The following KCNMA1 variants were observed in gnomAD, a reference collection of about 807,000 sequenced individuals.
KCNMA1 encodes Calcium-activated potassium channel subunit alpha-1.
In KCNMA1, 29 loss-of-function variants were observed where a neutral mutation model predicts 140.0. The ratio of observed to expected loss-of-function variants is 0.21; its 90% confidence interval spans 0.15 to 0.28. The LOEUF is 0.28. Ranked by LOEUF, KCNMA1 falls within the 10% of genes least tolerant of loss-of-function variation. The probability of loss-of-function intolerance (pLI) is 1.00; values close to 1 mark genes in which losing one functional copy is unlikely to be tolerated. For synonymous variants in KCNMA1, 612 were observed against 611.9 expected (o/e 1.00, Z 0.00); for missense variants, 880 against 1,602.2 (o/e 0.55, Z 7.70).
intron 17 of KCNMA1, among the ~76,000 whole-genome samples, chr10:77,015,167 C>G (rs1035314242): frequency 6.6e-6 from 1 of 152,134 alleles, no homozygotes; most frequent in Non-Finnish European, 1.5e-5. Flanking sequence ...GCAAGGCTGG[C>G]CTGTATGGTC....
At position 76,944,777 on chromosome 10, in the gene KCNMA1, G is replaced by A. The variant is rs2152884640; in HGVS notation, c.2898C>T (p.Ser966=). The change falls in exon 23 of 28, where the codon TCC becomes TCT. Residue 966 remains serine (S), a synonymous_variant. Transcript: ENST00000286628. The part of the protein sequence containing the change: ...DDSIGVLQAN[S]QGFTPPGMDR... Reference sequence around the variant, plus strand: ...AGTATTACAGGCTGTCCTTACCTTGGGAATTAGCCTGCAAGACTCCGATGC... The same window carrying A: ...AGTATTACAGGCTGTCCTTACCTTGAGAATTAGCCTGCAAGACTCCGATGC... 7 of 1,613,882 alleles carry A rather than the reference G, an allele frequency of 4.3e-6. No individual in the cohort carries two copies. The South Asian group carries it at 7.7e-5, about 18-fold the overall frequency.
chr10:76,982,563 G>A (rs1246282632), intron 19 of KCNMA1, among the ~76,000 whole-genome samples: 2 of 152,160 alleles, frequency 1.3e-5, no homozygotes, highest in African/African-American at 2.4e-5. Context: ...TGTATAAACT[G>A]TAAGAAAGTC....
intron 1 of KCNMA1, among the ~76,000 whole-genome samples, chr10:77,526,781 T>C (rs144476535): frequency 2.0e-5 from 3 of 152,334 alleles, no homozygotes; most frequent in African/African-American, 7.2e-5. Flanking sequence ...CTCGCTGAGA[T>C]AGATTTCAGC....
intron 1 of KCNMA1, among the ~76,000 whole-genome samples, chr10:77,625,041 T>C (rs1485979889): frequency 6.6e-6 from 1 of 152,126 alleles, no homozygotes; most frequent in Non-Finnish European, 1.5e-5. Flanking sequence ...TGGAGGAATG[T>C]TTTTCCCTTT....
At chr10:77,470,045 GAGA>G (rs1004632947) in intron 1 of KCNMA1, among the ~76,000 whole-genome samples, 3 of 152,110 alleles carry the variant, frequency 2.0e-5, no homozygotes, top group African/African-American at 7.2e-5. Context: ...CAGCAGTGGT[GAGA>G]AGGAGGCCAG....
intron 1 of KCNMA1, among the ~76,000 whole-genome samples, chr10:77,513,906 GC>G (rs2154548989): frequency 6.6e-6 from 1 of 152,334 alleles, no homozygotes; most frequent in Non-Finnish European, 1.5e-5. Context: ...CATTGCATTA[GC>G]CCTCCCCTCC....
At chr10:77,551,438 C>T (rs914800529) in intron 1 of KCNMA1, among the ~76,000 whole-genome samples, 1 of 152,046 alleles carries the variant, frequency 6.6e-6, no homozygotes, top group African/African-American at 2.4e-5. Flanking sequence ...TTTCTAATGG[C>T]TTCATTTTAC....
chr10:77,636,035 G>T, intron 1 of KCNMA1: 1 of 255,224 alleles, frequency 3.9e-6, no homozygotes, highest in Non-Finnish European at 6.9e-6. Flanking sequence ...GAAGTTTGAG[G>T]GGTCCTCGGT....
Position 76,886,827 on chromosome 10 carries a change from A to G in KCNMA1, c.*439T>C, listed in dbSNP as rs2037213619. On this transcript the variant is annotated 3_prime_UTR_variant, in exon 28 of 28. Transcript: ENST00000286628. The stretch of plus-strand genomic sequence containing the variant: ...TGCTAACTTATTGTGTGTATAAAAA[A>G]AGAAAGAAAGGAAAACAACAACAAC... 9.3e-7 allele frequency: 1 copy of G among 1,080,472 alleles called. No homozygotes were observed. Among genetic ancestry groups the G allele is most frequent in the Non-Finnish European group, 1.1e-6 (1 of 887,060 alleles). 66.9% of individuals were successfully genotyped at this position (1,080,472 alleles called of 1,614,324 possible).
intron 1 of KCNMA1, among the ~76,000 whole-genome samples, chr10:77,438,726 G>T (rs145775765): frequency 6.6e-6 from 1 of 152,280 alleles, no homozygotes; most frequent in African/African-American, 2.4e-5. Context: ...GCCAGGATTG[G>T]CTACTACAAA....
chr10:77,166,641 AGAG>A (rs2098645587), intron 5 of KCNMA1, among the ~76,000 whole-genome samples: 1 of 151,814 alleles, frequency 6.6e-6, no homozygotes, highest in Admixed American at 6.6e-5. Flanking sequence ...AGGGAGAGGG[AGAG>A]GAGAAGGAGG....
intron 1 of KCNMA1, among the ~76,000 whole-genome samples, chr10:77,536,329 C>T (rs1009905595): frequency 2.0e-5 from 3 of 152,198 alleles, no homozygotes; most frequent in African/African-American, 4.8e-5. Context: ...AGCAGGAGGA[C>T]GCCAGCATCC....
intron 3 of KCNMA1, among the ~76,000 whole-genome samples, chr10:77,220,012 AAAT>A (rs904651751): frequency 2.0e-5 from 3 of 152,194 alleles, no homozygotes; most frequent in Non-Finnish European, 4.4e-5. Context: ...TAGAGAGCTT[AAAT>A]AATAATAATA....
intron 14 of KCNMA1, among the ~76,000 whole-genome samples, chr10:77,047,719 G>C (rs2095152153): frequency 6.6e-6 from 1 of 151,864 alleles, no homozygotes; most frequent in Admixed American, 6.6e-5. Context: ...GTTCAGAGAG[G>C]AATTTGGTTT....
chr10:77,177,290 TTTCC>T lies in KCNMA1; in HGVS notation c.808+6127_808+6130del, dbSNP rs200839977. ...CCTTCTTTCCTTTCTTCCTTCCTTCTTTCCTTCCTTCTTTCTTTTCTTTCCTTCC... is the reference window on the plus strand; with the variant it reads ...CCTTCTTTCCTTTCTTCCTTCCTTCTTTCCTTCTTTCTTTTCTTTCCTTCC... On this transcript the variant is annotated intron_variant, in intron 5 of 27. Transcript: ENST00000286628. 3.0e-3 allele frequency among the ~76,000 whole-genome samples: 456 copies of T among 151,266 alleles called. 6 individuals are homozygous for T. The highest frequency in any genetic ancestry group is 0.022 in the Admixed American group (338 of 15,204).
chr10:77,327,360 G>T (rs1037922268), intron 2 of KCNMA1, among the ~76,000 whole-genome samples: 1 of 151,580 alleles, frequency 6.6e-6, no homozygotes, highest in Non-Finnish European at 1.5e-5. Flanking sequence ...TATTGTTGTT[G>T]TTGTTGTTTG....
chr10:77,183,118 C>CT (rs2154124000), intron 5 of KCNMA1, among the ~76,000 whole-genome samples: 1 of 152,276 alleles, frequency 6.6e-6, no homozygotes, highest in South Asian at 2.1e-4. Flanking sequence ...AGTCCTGACT[C>CT]TAAGTTCCTG....
rs752492039 is a variant in KCNMA1, at chr10:77,489,629, G to A, written c.379-85606C>T. Among the ~76,000 whole-genome samples the A allele has an allele frequency of 5.9e-5, 9 of 152,250 alleles. No individual in the cohort carries two copies. The South Asian group carries it at 6.2e-4, about 11-fold the overall frequency. ...GCTGGGATTACAGGCGTGAGCCACC[G>A]CGCCTGGCCTGGACAACCTTATTTT... On this transcript the variant is annotated intron_variant, in intron 1 of 27. Transcript: ENST00000286628.
intron 16 of KCNMA1, among the ~76,000 whole-genome samples, chr10:77,025,065 A>G (rs1177817310): frequency 2.0e-5 from 3 of 151,620 alleles, no homozygotes; most frequent in Non-Finnish European, 4.4e-5. Flanking sequence ...CTCCTGTTCA[A>G]CTTTAATAGT....
Sources: gnomAD v4.1 joint callset for allele counts (sites outside exome capture counted in the v4.1 genomes callset) on GRCh38, gnomAD v4.1.1 for gene constraint, MANE v1.5 for transcripts, NCBI Gene and HGNC (gene_info 2026-07-23, HGNC 2026-07-21) for gene names.